Variants in CDH4 observed in about 807,000 individuals in gnomAD.
CDH4 encodes the protein cadherin-4.
Under a neutral mutation model 86.0 loss-of-function variants are expected in CDH4, and 33 were observed. The observed-to-expected ratio is 0.38, with a 90% CI of 0.29 to 0.51. CDH4 has a LOEUF of 0.51. CDH4 is among the 20% of genes least tolerant of loss of function. The probability of loss-of-function intolerance (pLI) is 0.86; values close to 1 mark genes in which losing one functional copy is unlikely to be tolerated. For missense variants in CDH4, 1,114 were observed against 1,307.4 expected, an observed-to-expected ratio of 0.85 and a Z score of 2.28; for synonymous variants, 555 against 549.4, an observed-to-expected ratio of 1.01 and a Z score of -0.14.
chr20:61,716,397 G>A (rs2087954804), intron 2 of CDH4, among the ~76,000 whole-genome samples: 1 of 152,238 alleles, frequency 6.6e-6, no homozygotes, highest in Admixed American at 6.5e-5. Flanking sequence ...CTGTAAAGGG[G>A]TGGACGCTCA....
intron 4 of CDH4, among the ~76,000 whole-genome samples, chr20:61,808,556 C>T (rs1449901778): frequency 1.3e-5 from 2 of 152,136 alleles, no homozygotes; most frequent in African/African-American, 2.4e-5. Flanking sequence ...GATCTTGCTA[C>T]GTTTCGGAAC....
At chr20:61,732,442 C>G (rs1412947896) in intron 2 of CDH4, among the ~76,000 whole-genome samples, 1 of 152,154 alleles carries the variant, frequency 6.6e-6, no homozygotes, top group Admixed American at 6.5e-5. Flanking sequence ...TCCCTCCCTG[C>G]CTCCTCCTCG....
At chr20:61,264,020 G>C (rs75459668) in intron 2 of CDH4, among the ~76,000 whole-genome samples, 4 of 152,026 alleles carry the variant, frequency 2.6e-5, no homozygotes, top group Non-Finnish European at 5.9e-5. Context: ...ATAATCTCCC[G>C]TTGCAAGACT....
intron 2 of CDH4, among the ~76,000 whole-genome samples, chr20:61,257,441 C>G (rs909213816): frequency 5.9e-5 from 9 of 152,364 alleles, no homozygotes; most frequent in South Asian, 4.1e-4. Context: ...CTATGTATTA[C>G]GAACCTTCCG....
chr20:61,332,034 T>G (rs1429938954), intron 2 of CDH4, among the ~76,000 whole-genome samples: 2 of 152,134 alleles, frequency 1.3e-5, no homozygotes, highest in Non-Finnish European at 2.9e-5. Flanking sequence ...CAGGCACAGG[T>G]GGGCTCTGGA....
intron 2 of CDH4, among the ~76,000 whole-genome samples, chr20:61,737,994 C>T (rs373102954): frequency 4.6e-5 from 7 of 152,190 alleles, no homozygotes; most frequent in Non-Finnish European, 8.8e-5. Flanking sequence ...GCGCATGCAG[C>T]GGGTGCTGGG....
chr20:61,549,352 G>A (rs2086110933), intron 2 of CDH4, among the ~76,000 whole-genome samples: 1 of 152,144 alleles, frequency 6.6e-6, no homozygotes, highest in Non-Finnish European at 1.5e-5. Flanking sequence ...AACACCTGAT[G>A]AGGAACAGCC....
intron 2 of CDH4, among the ~76,000 whole-genome samples, chr20:61,368,112 G>T (rs543530097): frequency 6.6e-6 from 1 of 152,002 alleles, no homozygotes; most frequent in South Asian, 2.1e-4. Context: ...CTCATGATCC[G>T]CCCGCCTCGG....
intron 2 of CDH4, among the ~76,000 whole-genome samples, chr20:61,401,190 C>T (rs1158678981): frequency 6.6e-6 from 1 of 152,200 alleles, no homozygotes. Context: ...CCCAGATAAA[C>T]CTGAAGCCTC....
chr20:61,615,357 G>A (rs2086717103), intron 2 of CDH4, among the ~76,000 whole-genome samples: 1 of 151,014 alleles, frequency 6.6e-6, no homozygotes, highest in Admixed American at 6.6e-5. Flanking sequence ...CCTGACCTCT[G>A]GTGATCCACC....
rs564043303 is a variant in CDH4 at position 61,360,166 on chromosome 20, C to T, written c.169+105229C>T. On this transcript the variant is annotated intron_variant, in intron 2 of 15. Coordinates refer to ENST00000614565, the MANE Select transcript of CDH4 (RefSeq NM_001794.5). Reference sequence around the variant, plus strand: ...TTGCCACATCAGCTCGCAGGTTTGTCGGGCAGAGCCAGAGAAACTGAACTA... The same window carrying T: ...TTGCCACATCAGCTCGCAGGTTTGTTGGGCAGAGCCAGAGAAACTGAACTA... Among the ~76,000 whole-genome samples, 10 of 152,276 alleles carry T rather than the reference C, an allele frequency of 6.6e-5. No individual in the cohort carries two copies. In the East Asian group the frequency reaches 1.2e-3, roughly 18 times the overall value.
At chr20:61,699,161 C>A (rs1476326759) in intron 2 of CDH4, among the ~76,000 whole-genome samples, 1 of 152,212 alleles carries the variant, frequency 6.6e-6, no homozygotes, top group Admixed American at 6.5e-5. Flanking sequence ...TGTGGTGGCG[C>A]ACAGGCGCTC....
intron 2 of CDH4, among the ~76,000 whole-genome samples, chr20:61,714,132 T>C (rs1037450586): frequency 5.3e-5 from 8 of 151,910 alleles, no homozygotes; most frequent in Non-Finnish European, 7.4e-5. Flanking sequence ...CTACAAGCTC[T>C]GCCTCCCAGG....
chr20:61,736,508 C>A (rs1384195959), intron 2 of CDH4, among the ~76,000 whole-genome samples: 4 of 152,128 alleles, frequency 2.6e-5, no homozygotes, highest in Non-Finnish European at 5.9e-5. Flanking sequence ...GTCTGTCCTG[C>A]CCCACACTCT....
chr20:61,337,563 T>C (rs993879405), intron 2 of CDH4, among the ~76,000 whole-genome samples: 4 of 152,022 alleles, frequency 2.6e-5, no homozygotes, highest in Non-Finnish European at 2.9e-5. Context: ...TGATGGTGTA[T>C]AGATACTTCC....
chr20:61,797,095 C>CG (rs1979573071), intron 4 of CDH4, among the ~76,000 whole-genome samples: 1 of 144,102 alleles, frequency 6.9e-6, no homozygotes, highest in African/African-American at 2.6e-5. Context: ...CCCCCCCCCC[C>CG]CAACACTGGC....
intron 11 of CDH4, among the ~76,000 whole-genome samples, chr20:61,924,947 G>C (rs942284034): frequency 6.6e-6 from 1 of 152,188 alleles, no homozygotes; most frequent in Non-Finnish European, 1.5e-5. Flanking sequence ...CCATCCTGCG[G>C]GGAAGGCCCA....
intron 7 of CDH4, among the ~76,000 whole-genome samples, chr20:61,885,723 G>A (rs1216265601): frequency 6.6e-6 from 1 of 152,176 alleles, no homozygotes; most frequent in Non-Finnish European, 1.5e-5. Context: ...CGTGGTGCCT[G>A]CACTCCCTCC....
chr20:61,334,004 A>G (rs1245769761), intron 2 of CDH4, among the ~76,000 whole-genome samples: 1 of 152,212 alleles, frequency 6.6e-6, no homozygotes, highest in Non-Finnish European at 1.5e-5. Flanking sequence ...CAGGCTGAGA[A>G]GGGTAGCCCC....
Sources: gnomAD v4.1 joint callset for allele counts (sites outside exome capture counted in the v4.1 genomes callset) on GRCh38, gnomAD v4.1.1 for gene constraint, MANE v1.5 for transcripts, NCBI Gene and HGNC (gene_info 2026-07-23, HGNC 2026-07-21) for gene names.